Variants in IREB2 observed in about 807,000 individuals in gnomAD.
IREB2 encodes the protein iron responsive element binding protein 2.
Under a neutral mutation model 118.8 loss-of-function variants are expected in IREB2, and 39 were observed. The observed-to-expected ratio is 0.33, with a 90% confidence interval of 0.25 to 0.43. The LOEUF is 0.43. Ranked by LOEUF, IREB2 falls within the 20% of genes least tolerant of loss-of-function variation. The pLI is 1.00. For missense variants in IREB2, 900 were observed against 1,147.3 expected, an observed-to-expected ratio of 0.78 and a Z score of 3.11; for synonymous variants, 372 against 392.2, an observed-to-expected ratio of 0.95 and a Z score of 0.61.
At chr15:78,465,409 A>G in intron 4 of IREB2, 21 bp downstream of exon 4, 2 of 1,593,284 alleles carry the variant, frequency 1.3e-6, no homozygotes, top group East Asian at 2.2e-5. Flanking sequence ...GCAGATATTT[A>G]TAGACAGCCA....
intron 2 of IREB2, among the ~76,000 whole-genome samples, chr15:78,461,441 G>A (rs1013433144): frequency 1.3e-5 from 2 of 152,116 alleles, no homozygotes; most frequent in Non-Finnish European, 2.9e-5. Flanking sequence ...GCTCTTAGAA[G>A]TAGGTTAACA....
In IREB2 at chr15:78,494,030, A is replaced by G; in HGVS notation, c.2446A>G (p.Thr816Ala). 6.2e-7 allele frequency: 1 copy of G among 1,614,134 alleles called. No individual in the cohort carries two copies. The highest frequency in any genetic ancestry group is 8.5e-7 in the Non-Finnish European group (1 of 1,180,006). ...GTTTATTGGAAAACCAGCTCCTAAA[A>G]CAATTCATTTTCCATCAGGACAGAC... ...NKFIGKPAPK[T>A]IHFPSGQTLD... The change falls in exon 19 of 22, where the codon ACA (threonine) becomes GCA (alanine). Residue 816 changes from threonine to alanine, a missense_variant. Transcript: ENST00000258886.
intron 2 of IREB2, among the ~76,000 whole-genome samples, chr15:78,459,729 T>C (rs1165442642): frequency 6.6e-6 from 1 of 152,258 alleles, no homozygotes; most frequent in Non-Finnish European, 1.5e-5. Flanking sequence ...TTTGGTTTGT[T>C]GAAACAGTAT....
intron 21 of IREB2, among the ~76,000 whole-genome samples, chr15:78,497,699 A>C (rs2051861873): frequency 6.6e-6 from 1 of 152,232 alleles, no homozygotes; most frequent in African/African-American, 2.4e-5. Flanking sequence ...CAACTAAGAA[A>C]AAAGGGGAAA....
Position 78,478,403 on chromosome 15 carries a change from T to C in IREB2, c.1296+6T>C. The stretch of plus-strand genomic sequence containing the variant: ...GAGAACCTGAATACTCCCAGGTATA[T>C]GCAGAATAACCCACCTCGTAGCAAA... On this transcript the variant is annotated splice_donor_region_variant and intron_variant, in intron 10 of 21. Coordinates refer to ENST00000258886, the MANE Select transcript of IREB2 (RefSeq NM_004136.4). 1 of 1,512,526 alleles carries C rather than the reference T, an allele frequency of 6.6e-7. No individual in the cohort carries two copies. The highest frequency in any genetic ancestry group is 9.2e-7 in the Non-Finnish European group (1 of 1,087,672). The allele number at this position is 1,512,526 out of a possible 1,614,324, so 93.7% of individuals were successfully genotyped here.
intron 10 of IREB2, 147 bp downstream of exon 10, chr15:78,478,544 A>G (rs939317435): frequency 1.1e-5 from 6 of 546,956 alleles, no homozygotes; most frequent in Non-Finnish European, 2.0e-5. Flanking sequence ...CACTGCAAAA[A>G]AACTACAAAC....
chr15:78,464,070 A>G (rs2141477163), intron 3 of IREB2, among the ~76,000 whole-genome samples: 1 of 152,200 alleles, frequency 6.6e-6, no homozygotes, highest in East Asian at 1.9e-4. Flanking sequence ...TTCCATCTCT[A>G]TCACTGTCAT....
intron 8 of IREB2, chr15:78,475,200 A>G (rs2051449204): frequency 6.6e-6 from 1 of 151,928 alleles, no homozygotes; most frequent in Admixed American, 6.6e-5. Flanking sequence ...AATATTATTC[A>G]TAGATCGAGG....
chr15:78,466,345 A>G lies in IREB2; in HGVS notation c.485A>G (p.Gln162Arg), dbSNP rs1348353744. Reference sequence around the variant, plus strand: ...GGAAAGCTCTCTCCACTTAAAGTGCAGCCTAAGAAGCTTCCCTGCAGAGGC... The same window carrying G: ...GGAAAGCTCTCTCCACTTAAAGTGCGGCCTAAGAAGCTTCCCTGCAGAGGC... Reference protein sequence around the residue: ...KAGKLSPLKVQPKKLPCRGQT... With the variant: ...KAGKLSPLKVRPKKLPCRGQT... Residue 162 changes from glutamine (Q) to arginine (R), a missense_variant, in exon 5 of 22, where the codon CAG becomes CGG. Coordinates refer to ENST00000258886, the MANE Select transcript of IREB2 (RefSeq NM_004136.4). 3 of 1,613,994 alleles carry G rather than the reference A, an allele frequency of 1.9e-6. No homozygotes were observed. Among genetic ancestry groups the G allele is most frequent in the Non-Finnish European group, 2.5e-6 (3 of 1,179,970 alleles).
At chr15:78,437,922 G>C (rs984684218), upstream of IREB2, among the ~76,000 whole-genome samples, 1 of 152,220 alleles carries the variant, frequency 6.6e-6, no homozygotes, top group African/African-American at 2.4e-5. Flanking sequence ...CAGACACCTT[G>C]CGGGAACGCA....
intron 2 of IREB2, among the ~76,000 whole-genome samples, chr15:78,458,906 C>T (rs1285589660): frequency 6.6e-6 from 1 of 151,878 alleles, no homozygotes; most frequent in Non-Finnish European, 1.5e-5. Context: ...TCAGGTGGTT[C>T]TCCCATCTCA....
intron 3 of IREB2, 98 bp from the exon 4 acceptor site, chr15:78,465,153 G>A (rs530632881): frequency 1.1e-6 from 1 of 918,146 alleles, no homozygotes; most frequent in Admixed American, 2.9e-5. Flanking sequence ...AACTAGACAG[G>A]GATACTTTTT....
chr15:78,491,246 A>G (rs1358381383), intron 18 of IREB2, among the ~76,000 whole-genome samples: 1 of 152,190 alleles, frequency 6.6e-6, no homozygotes, highest in Non-Finnish European at 1.5e-5. Context: ...CTAAAATTTT[A>G]TAGGAACAAT....
chr15:78,490,553 T>C, intron 17 of IREB2, 27 bp downstream of exon 17: 1 of 1,604,874 alleles, frequency 6.2e-7, no homozygotes, highest in Non-Finnish European at 8.5e-7. Flanking sequence ...TATTTGATCT[T>C]TTAAAGATTG....
chr15:78,456,813 TC>T (rs770025838), intron 2 of IREB2, among the ~76,000 whole-genome samples: 36 of 152,350 alleles, frequency 2.4e-4, no homozygotes, highest in Admixed American at 5.2e-4. Flanking sequence ...GTCCCCAATT[TC>T]TACTCCCCAG....
intron 10 of IREB2, among the ~76,000 whole-genome samples, chr15:78,482,194 C>T (rs898662275): frequency 6.6e-6 from 1 of 151,656 alleles, no homozygotes; most frequent in Non-Finnish European, 1.5e-5. Context: ...TGTGCCACTG[C>T]GCTCCAGCCT....
rs2051923347 is a variant in IREB2 at position 78,500,523 on chromosome 15, G to T, written c.*2380G>T. 2 of 131,698 alleles carry T rather than the reference G, an allele frequency of 1.5e-5. No homozygotes were observed. The highest frequency in any genetic ancestry group is 8.1e-5 in the Admixed American group (1 of 12,358). The allele number at this position is 131,698 out of a possible 1,614,324, so 8.2% of individuals were successfully genotyped here. A position where few individuals can be genotyped will look rare whatever the true frequency, so the allele number is the denominator to read the frequency against. ...GTCTTCTTTGTTTACTATACCTTGG[G>T]TAATTTTGTGTTACCAAAAAAAAAA... is the stretch of plus-strand genomic sequence containing the variant. On this transcript the variant is annotated 3_prime_UTR_variant, in exon 22 of 22. Coordinates refer to ENST00000258886, the MANE Select transcript of IREB2 (RefSeq NM_004136.4).
At chr15:78,474,010 T>C (rs1352338304) in intron 8 of IREB2, 1 of 152,198 alleles carries the variant, frequency 6.6e-6, no homozygotes, top group Non-Finnish European at 1.5e-5. Flanking sequence ...TCTGGATTAT[T>C]ATGTAAAAAT....
chr15:78,446,075 T>C (rs1202222189), intron 2 of IREB2, among the ~76,000 whole-genome samples: 1 of 152,216 alleles, frequency 6.6e-6, no homozygotes, highest in Non-Finnish European at 1.5e-5. Flanking sequence ...TGATCCATTG[T>C]ATCCAGCTCA....
Sources: gnomAD v4.1 joint callset for allele counts (sites outside exome capture counted in the v4.1 genomes callset) on GRCh38, gnomAD v4.1.1 for gene constraint, MANE v1.5 for transcripts, NCBI Gene and HGNC (gene_info 2026-07-23, HGNC 2026-07-21) for gene names.